EXT1: variants seen among roughly 807,000 people sequenced by gnomAD.
EXT1 encodes exostosin-1.
EXT1 carries 20 observed loss-of-function variants against 82.5 expected under a neutral mutation model. The observed-to-expected ratio is 0.24, with a 90% CI of 0.17 to 0.35. The LOEUF (loss-of-function observed/expected upper bound fraction) is 0.35. Among genes scored for constraint, EXT1 ranks in the 10% least tolerant of loss-of-function variants. EXT1 has a pLI of 1.00. For synonymous variants in EXT1, 348 were observed against 350.8 expected (o/e 0.99, Z 0.09); for missense variants, 757 against 936.5 (o/e 0.81, Z 2.50).
chr8:117,909,949 G>A (rs1189182602), intron 1 of EXT1, among the ~76,000 whole-genome samples: 3 of 152,070 alleles, frequency 2.0e-5, no homozygotes, highest in African/African-American at 7.2e-5. Flanking sequence ...TGTATTTTTA[G>A]TAGAGACGGG....
Position 118,090,615 on chromosome 8 carries a change from T to C in EXT1, c.962+19470A>G, listed in dbSNP as rs112945803. Among the ~76,000 whole-genome samples the C allele has an allele frequency of 5.7e-3, 867 of 151,160 alleles. 7 individuals are homozygous for C. Among genetic ancestry groups the C allele is most frequent in the Non-Finnish European group, 6.3e-3 (426 of 67,760 alleles). ...CAACATGATGAAACCCCATCTCTAC[T>C]AAAAATACAAAAAATTAACTGCGCA... is the stretch of plus-strand genomic sequence containing the variant. On this transcript the variant is annotated intron_variant, in intron 1 of 10. Coordinates refer to ENST00000378204, the MANE Select transcript of EXT1 (RefSeq NM_000127.3).
At chr8:117,812,841 C>T (rs780986570) in intron 8 of EXT1, 31 bp downstream of exon 8, 218 of 1,592,714 alleles carry the variant, frequency 1.4e-4, no homozygotes, top group Non-Finnish European at 1.9e-4. Flanking sequence ...CTGAACAGCC[C>T]ACCTGCTGCT....
intron 1 of EXT1, among the ~76,000 whole-genome samples, chr8:117,912,878 T>A (rs1388016338): frequency 6.6e-6 from 1 of 152,108 alleles, no homozygotes; most frequent in Non-Finnish European, 1.5e-5. Context: ...AAGAACTAAA[T>A]AAGACAAGGA....
At position 118,110,240 on chromosome 8, in the gene EXT1, C is replaced by T; in HGVS notation, c.807G>A (p.Lys269=). 6.2e-7 allele frequency: 1 copy of T among 1,614,184 alleles called. No individual in the cohort carries two copies. Among genetic ancestry groups the T allele is most frequent in the Non-Finnish European group, 8.5e-7 (1 of 1,180,038 alleles). The change falls in exon 1 of 11, where the codon AAG becomes AAA. Residue 269 remains lysine, a synonymous_variant. Coordinates refer to ENST00000378204, the MANE Select transcript of EXT1 (RefSeq NM_000127.3). ...LRKYMLVFKG[K]RYLTGIGSDT... is the part of the protein sequence containing the mutation. ...CTGATCCTATCCCTGTCAGGTACCT[C>T]TTCCCCTTGAATACCAGCATGTACT... is the stretch of plus-strand genomic sequence containing the variant.
intron 1 of EXT1, among the ~76,000 whole-genome samples, chr8:118,098,019 AAGG>A (rs1170829627): frequency 6.6e-6 from 1 of 151,866 alleles, no homozygotes; most frequent in African/African-American, 2.4e-5. Context: ...AAGCGGGGAG[AAGG>A]AGGAGGAGTG....
intron 1 of EXT1, among the ~76,000 whole-genome samples, chr8:118,064,212 G>A (rs1816935755): frequency 6.6e-6 from 1 of 151,914 alleles, no homozygotes; most frequent in South Asian, 2.1e-4. Flanking sequence ...TAAGTTCTAG[G>A]ATACATGTGC....
chr8:117,857,105 C>T (rs373232639), intron 1 of EXT1, among the ~76,000 whole-genome samples: 9 of 152,184 alleles, frequency 5.9e-5, no homozygotes, highest in Admixed American at 1.3e-4. Flanking sequence ...TTAAGCCTAC[C>T]GTTGAGACCT....
chr8:117,812,931 T>C lies in EXT1; in HGVS notation c.1663A>G (p.Asn555Asp), dbSNP rs777698557. The change falls in exon 8 of 11, where the codon AAC (asparagine) becomes GAC (aspartate). Residue 555 changes from asparagine (N) to aspartate (D), a missense_variant. Physicochemically the swap from Asn to Asp is conservative, Grantham distance 23. Coordinates refer to ENST00000378204, the MANE Select transcript of EXT1 (RefSeq NM_000127.3). ...CTGAGCACGGCGTCTGTGATGATGT[T>C]GTCGTAGGGCAGAAAACGGCTGCTC... ...VMSSRFLPYDNIITDAVLSLD... is the reference protein window; with the variant it reads ...VMSSRFLPYDDIITDAVLSLD... The C allele has an allele frequency of 3.1e-6, 5 of 1,613,834 alleles. No individual in the cohort carries two copies. In the East Asian group the frequency reaches 8.9e-5, roughly 29 times the overall value.
At chr8:117,994,279 T>A (rs566165140) in intron 1 of EXT1, among the ~76,000 whole-genome samples, 1 of 152,258 alleles carries the variant, frequency 6.6e-6, no homozygotes, top group East Asian at 1.9e-4. Context: ...ATCTCAGGTT[T>A]AAAAGTAAAG....
intron 1 of EXT1, among the ~76,000 whole-genome samples, chr8:118,099,239 A>G (rs1486357726): frequency 1.3e-5 from 2 of 152,186 alleles, no homozygotes; most frequent in Non-Finnish European, 2.9e-5. Flanking sequence ...GCATTGGGCC[A>G]GCTGTTCTTC....
chr8:117,842,824 C>G (rs945845331), intron 1 of EXT1, among the ~76,000 whole-genome samples: 1 of 152,228 alleles, frequency 6.6e-6, no homozygotes, highest in African/African-American at 2.4e-5. Context: ...GCACTGTGCT[C>G]ACAGGTCCTC....
intron 1 of EXT1, among the ~76,000 whole-genome samples, chr8:118,012,356 T>C (rs564819087): frequency 6.6e-6 from 1 of 152,330 alleles, no homozygotes; most frequent in African/African-American, 2.4e-5. Context: ...GCTTCCTAGT[T>C]TGGCACAGGT....
intron 1 of EXT1, among the ~76,000 whole-genome samples, chr8:118,083,132 A>G (rs577775311): frequency 1.1e-3 from 165 of 152,338 alleles, no homozygotes; most frequent in African/African-American, 3.9e-3. Context: ...TTTTAAGCAT[A>G]CAATTTGATA....
chr8:117,898,817 C>G (rs549469587), intron 1 of EXT1, among the ~76,000 whole-genome samples: 2 of 147,258 alleles, frequency 1.4e-5, no homozygotes, highest in African/African-American at 5.2e-5. Flanking sequence ...TAAACCCAGA[C>G]GGCAGGAAAA....
chr8:118,109,183 C>T (rs528066545), intron 1 of EXT1, among the ~76,000 whole-genome samples: 2 of 152,106 alleles, frequency 1.3e-5, no homozygotes, highest in Admixed American at 6.5e-5. Flanking sequence ...ACAAAGTAAC[C>T]AATTCAGTTA....
At chr8:117,890,721 C>T (rs771218271) in intron 1 of EXT1, among the ~76,000 whole-genome samples, 1 of 152,160 alleles carries the variant, frequency 6.6e-6, no homozygotes, top group Non-Finnish European at 1.5e-5. Context: ...CCTTCATTTC[C>T]ACCAGTGAAG....
chr8:117,920,755 C>A (rs973294176), intron 1 of EXT1, among the ~76,000 whole-genome samples: 3 of 152,178 alleles, frequency 2.0e-5, no homozygotes, highest in African/African-American at 7.2e-5. Flanking sequence ...AGGAAGCTGA[C>A]CATCCCTGTG....
At chr8:118,109,237 G>A (rs1307494201) in intron 1 of EXT1, among the ~76,000 whole-genome samples, 1 of 151,916 alleles carries the variant, frequency 6.6e-6, no homozygotes, top group Non-Finnish European at 1.5e-5. Flanking sequence ...AGGGTAAGGA[G>A]GCATCTCACA....
Position 117,819,689 on chromosome 8 carries a change from T to G in EXT1, c.1523A>C (p.Gln508Pro). ...CTTCCCGCTCACCTGGGCACAGTAC[T>G]GGGACTTGGCTGCAGCCACGAGAAG... The part of the protein sequence containing the change: ...LKLLVAAAKS[Q>P]YCAQIIVLWN... The change falls in exon 6 of 11, where the codon CAG (glutamine) becomes CCG (proline). Residue 508 changes from glutamine to proline, a missense_variant. Gln to Pro is a moderately conservative substitution (Grantham distance 76). Coordinates refer to ENST00000378204, the MANE Select transcript of EXT1 (RefSeq NM_000127.3). 1 of 1,612,514 alleles carries G rather than the reference T, an allele frequency of 6.2e-7. No homozygotes were observed. The highest frequency in any genetic ancestry group is 8.5e-7 in the Non-Finnish European group (1 of 1,179,992).
Sources: gnomAD v4.1 joint callset for allele counts (sites outside exome capture counted in the v4.1 genomes callset) on GRCh38, gnomAD v4.1.1 for gene constraint, MANE v1.5 for transcripts, NCBI Gene and HGNC (gene_info 2026-07-23, HGNC 2026-07-21) for gene names.